FER: variants seen among roughly 807,000 people sequenced by gnomAD.
The protein encoded by FER is FER tyrosine kinase, also known as tyrosine-protein kinase Fer.
Under a neutral mutation model 111.0 loss-of-function variants are expected in FER, and 63 were observed. The observed-to-expected ratio is 0.57, with a 90% CI of 0.46 to 0.70. The LOEUF is 0.70. Among genes scored for constraint, FER ranks in the 30% least tolerant of loss-of-function variants. The probability of loss-of-function intolerance (pLI) is 0.00; values close to 1 mark genes in which losing one functional copy is unlikely to be tolerated. For missense variants in FER, 914 were observed against 954.0 expected (o/e 0.96, Z 0.55); for synonymous variants, 327 against 313.9 (o/e 1.04, Z -0.44).
intron 17 of FER, among the ~76,000 whole-genome samples, chr5:109,179,798 G>A (rs535271873): frequency 6.6e-6 from 1 of 152,096 alleles, no homozygotes; most frequent in Non-Finnish European, 1.5e-5. Flanking sequence ...TTTATATCAG[G>A]GATTTGAGCA....
At chr5:108,870,993 G>T (rs996954501) in intron 6 of FER, among the ~76,000 whole-genome samples, 3 of 151,952 alleles carry the variant, frequency 2.0e-5, no homozygotes, top group African/African-American at 7.2e-5. Flanking sequence ...CACTGGAAAG[G>T]AACATTAAAG....
intron 2 of FER, among the ~76,000 whole-genome samples, chr5:108,778,877 A>G (rs1561404740): frequency 6.6e-6 from 1 of 152,172 alleles, no homozygotes; most frequent in Admixed American, 6.5e-5. Flanking sequence ...CTCAAAAGTC[A>G]TATTCAAACT....
chr5:108,846,514 A>T (rs1479729863), intron 5 of FER, among the ~76,000 whole-genome samples: 1 of 152,096 alleles, frequency 6.6e-6, no homozygotes, highest in South Asian at 2.1e-4. Flanking sequence ...TGTCCATTTC[A>T]TATAAGTTAT....
At chr5:108,917,574 G>C (rs1752431600) in intron 10 of FER, among the ~76,000 whole-genome samples, 1 of 152,182 alleles carries the variant, frequency 6.6e-6, no homozygotes, top group South Asian at 2.1e-4. Flanking sequence ...CCCAAAGTCA[G>C]AGACAGCTTT....
At chr5:109,083,162 C>G (rs1050684582) in intron 16 of FER, among the ~76,000 whole-genome samples, 1 of 152,010 alleles carries the variant, frequency 6.6e-6, no homozygotes, top group Non-Finnish European at 1.5e-5. Flanking sequence ...AGGAAATAAT[C>G]AAGTTCTTAC....
chr5:108,855,517 A>C (rs989383326), intron 5 of FER, among the ~76,000 whole-genome samples: 1 of 147,090 alleles, frequency 6.8e-6, no homozygotes, highest in Non-Finnish European at 1.5e-5. Context: ...GCTACTCGGG[A>C]GGCTGAGGCA....
intron 17 of FER, among the ~76,000 whole-genome samples, chr5:109,157,500 A>G (rs555915351): frequency 6.7e-6 from 1 of 148,996 alleles, no homozygotes; most frequent in East Asian, 2.0e-4. Context: ...TTATTCGATC[A>G]CTGGCGATGA....
chr5:108,959,564 T>C (rs969580310), intron 13 of FER, among the ~76,000 whole-genome samples: 2 of 152,036 alleles, frequency 1.3e-5, no homozygotes, highest in Admixed American at 6.6e-5. Flanking sequence ...TTTGCTAGTA[T>C]ACAGATGGCT....
intron 17 of FER, among the ~76,000 whole-genome samples, chr5:109,144,691 A>G (rs1184611455): frequency 1.3e-5 from 2 of 152,064 alleles, no homozygotes; most frequent in African/African-American, 4.8e-5. Flanking sequence ...GTTTCCCTCC[A>G]TTCTTGGAGT....
chr5:108,831,951 G>A (rs1760087094), intron 3 of FER, among the ~76,000 whole-genome samples: 1 of 151,798 alleles, frequency 6.6e-6, no homozygotes, highest in Non-Finnish European at 1.5e-5. Context: ...ATACTATAGC[G>A]AAGAGGATTC....
rs548771327 is a variant in FER, at chr5:109,088,679, A to T, written c.1925-11717A>T. On this transcript the variant is annotated intron_variant, in intron 16 of 19. Transcript: ENST00000281092. ...ATTATTAATGCTCTTCCATATGCAT[A>T]AATCATTAAGCTAAATAAATCCTTT... is the stretch of plus-strand genomic sequence containing the variant. Among the ~76,000 whole-genome samples, 14 of 152,302 alleles carry T rather than the reference A, an allele frequency of 9.2e-5. No homozygotes were observed. In the South Asian group the frequency reaches 2.7e-3, roughly 29 times the overall value.
chr5:109,117,418 C>T (rs1017395467), intron 17 of FER, among the ~76,000 whole-genome samples: 1 of 152,088 alleles, frequency 6.6e-6, no homozygotes, highest in Admixed American at 6.6e-5. Flanking sequence ...TTGTCGTGTA[C>T]TTCTATCATT....
chr5:108,883,618 A>G (rs1765892676), intron 9 of FER, 100 bp downstream of exon 9: 1 of 1,066,736 alleles, frequency 9.4e-7, no homozygotes, highest in Non-Finnish European at 1.3e-6. Flanking sequence ...TTCTAGAAAC[A>G]GAAACTTTTA....
chr5:108,821,164 T>G (rs1325186760), intron 3 of FER, among the ~76,000 whole-genome samples: 1 of 152,186 alleles, frequency 6.6e-6, no homozygotes, highest in African/African-American at 2.4e-5. Context: ...TTAGAAAGGC[T>G]TTAACCAAGA....
chr5:108,791,888 T>G (rs1287527648), intron 2 of FER, among the ~76,000 whole-genome samples: 1 of 152,232 alleles, frequency 6.6e-6, no homozygotes, highest in African/African-American at 2.4e-5. Flanking sequence ...CCTGCTTCAT[T>G]GTTTTGCATG....
At chr5:109,105,027 G>A (rs1161394322) in intron 17 of FER, among the ~76,000 whole-genome samples, 2 of 152,134 alleles carry the variant, frequency 1.3e-5, no homozygotes, top group African/African-American at 2.4e-5. Flanking sequence ...ACAAGCATGA[G>A]CCACCGCGCC....
chr5:108,867,973 C>T (rs1431308992), intron 6 of FER, 23 bp downstream of exon 6: 2 of 1,579,110 alleles, frequency 1.3e-6, no homozygotes, highest in Admixed American at 3.8e-5. Flanking sequence ...TTCTTTTTAT[C>T]ATAAAATCCC....
rs1200222257 is a variant in FER at position 109,191,952 on chromosome 5, G to T, written c.*4377G>T. The T allele has an allele frequency of 6.6e-6, 1 of 152,030 alleles. No homozygotes were observed. The highest frequency in any genetic ancestry group is 1.5e-5 in the Non-Finnish European group (1 of 68,006). The allele number at this position is 152,030 out of a possible 1,614,324, so 9.4% of individuals were successfully genotyped here. A position where few individuals can be genotyped will look rare whatever the true frequency, so the allele number is the denominator to read the frequency against. On this transcript the variant is annotated 3_prime_UTR_variant, in exon 20 of 20. Transcript: ENST00000281092. ...TAAAAAAAATGCTGTCCTACAGAAG[G>T]TGTATAAACTATACCTTAGCCATAA...
At chr5:108,850,921 G>C (rs989089668) in intron 5 of FER, among the ~76,000 whole-genome samples, 4 of 152,098 alleles carry the variant, frequency 2.6e-5, no homozygotes, top group African/African-American at 4.8e-5. Context: ...GCCTTTGTTG[G>C]TTTTGCTTCT....
Sources: gnomAD v4.1 joint callset for allele counts (sites outside exome capture counted in the v4.1 genomes callset) on GRCh38, gnomAD v4.1.1 for gene constraint, MANE v1.5 for transcripts, NCBI Gene and HGNC (gene_info 2026-07-23, HGNC 2026-07-21) for gene names.